Variants in SLC3A1 observed in about 807,000 individuals in gnomAD.
SLC3A1 encodes amino acid transporter heavy chain SLC3A1.
Under a neutral mutation model 60.3 loss-of-function variants are expected in SLC3A1, and 78 were observed. The observed-to-expected ratio is 1.29, with a 90% CI of 1.08 to 1.56. SLC3A1 has a LOEUF of 1.56. Among genes scored for constraint, SLC3A1 ranks in the 40% most tolerant of loss-of-function variants. The pLI, the probability that SLC3A1 is intolerant of heterozygous loss-of-function variation, is 0.00. For synonymous variants in SLC3A1, 392 were observed against 307.9 expected, an observed-to-expected ratio of 1.27 and a Z score of -2.86; for missense variants, 1,172 against 858.9, an observed-to-expected ratio of 1.36 and a Z score of -4.56.
chr2:44,315,986 C>G (rs1946932), intron 9 of SLC3A1, among the ~76,000 whole-genome samples: 117,930 of 152,030 alleles, frequency 0.78, 46,762 homozygotes, highest in African/African-American at 0.88. Flanking sequence ...GAGTCACAGA[C>G]ACCAGGAGAA....
chr2:44,286,319 T>C (rs897581713), intron 4 of SLC3A1, among the ~76,000 whole-genome samples, 162 bp downstream of exon 4: 2 of 152,244 alleles, frequency 1.3e-5, no homozygotes, highest in Non-Finnish European at 2.9e-5. Context: ...AATAATTGTG[T>C]AGGCAATAAT....
chr2:44,301,870 G>A (rs1165010840), intron 6 of SLC3A1, among the ~76,000 whole-genome samples: 1 of 151,964 alleles, frequency 6.6e-6, no homozygotes, highest in East Asian at 1.9e-4. Flanking sequence ...GACCAGCCTG[G>A]GCAACATGGC....
intron 1 of SLC3A1, among the ~76,000 whole-genome samples, chr2:44,280,066 C>G (rs1671457212): frequency 6.6e-6 from 1 of 152,100 alleles, no homozygotes; most frequent in Non-Finnish European, 1.5e-5. Flanking sequence ...CTGCTCTGTT[C>G]CTTGACACTT....
chr2:44,304,900 C>T (rs1301962950), intron 7 of SLC3A1, among the ~76,000 whole-genome samples: 4 of 144,206 alleles, frequency 2.8e-5, no homozygotes, highest in Admixed American at 7.4e-5. Context: ...TGGCTCACTG[C>T]AGCCTCGACC....
chr2:44,281,309 C>G, intron 2 of SLC3A1, 78 bp from the exon 3 acceptor site: 1 of 1,272,880 alleles, frequency 7.9e-7, no homozygotes, highest in Non-Finnish European at 1.1e-6. Context: ...CAGGCGTTAG[C>G]CATTACTGTG....
chr2:44,281,535 C>A lies in SLC3A1; in HGVS notation c.759C>A (p.Asn253Lys). Residue 253 changes from asparagine (N) to lysine (K), a missense_variant, in exon 3 of 10, where the codon AAC (asparagine) becomes AAA (lysine). Physicochemically the swap from Asn to Lys is moderately conservative, Grantham distance 94. Transcript: ENST00000260649. ...THENGKTIPP[N>K]NWLSVYGNSS... ...AAAATGGCAAAACCATTCCACCCAA[C>A]AACTGGGTAAGTATCAACCTGTCTG... 6.2e-7 allele frequency: 1 copy of A among 1,613,938 alleles called. No individual in the cohort carries two copies. Among genetic ancestry groups the A allele is most frequent in the Non-Finnish European group, 8.5e-7 (1 of 1,179,850 alleles).
chr2:44,312,789 A>G (rs1355194976), intron 8 of SLC3A1, 36 bp downstream of exon 8: 1 of 1,559,956 alleles, frequency 6.4e-7, no homozygotes, highest in East Asian at 2.3e-5. Flanking sequence ...CATCACAGCT[A>G]TAAAACCAAG....
chr2:44,295,117 C>T (rs1671821241), intron 4 of SLC3A1, among the ~76,000 whole-genome samples: 1 of 152,066 alleles, frequency 6.6e-6, no homozygotes, highest in African/African-American at 2.4e-5. Flanking sequence ...TTTAGGTAAA[C>T]GGGCCCCCAA....
chr2:44,279,625 T>A (rs1289293432), intron 1 of SLC3A1, among the ~76,000 whole-genome samples: 1 of 152,000 alleles, frequency 6.6e-6, no homozygotes, highest in Non-Finnish European at 1.5e-5. Flanking sequence ...GTAGCCACAT[T>A]AAAAAAAGGA....
At position 44,299,999 on chromosome 2, in the gene SLC3A1, G is replaced by T. The variant is rs535146186; in HGVS notation, c.920G>T (p.Gly307Val). The change falls in exon 5 of 10, where the codon GGT becomes GTT. Residue 307 changes from glycine (G) to valine (V), a missense_variant. Gly to Val is a moderately radical substitution (Grantham distance 109, BLOSUM62 -3). Transcript: ENST00000260649. ...KEILRFWLTK[G>V]VDGFSLDAVK... ...ATTTTACGGTTCTGGCTCACAAAGG[G>T]TGTTGATGGTTTTAGTTTGGATGCT... 2 of 1,614,042 alleles carry T rather than the reference G, an allele frequency of 1.2e-6. No homozygotes were observed. The highest frequency in any genetic ancestry group is 1.1e-5 in the South Asian group (1 of 91,082).
At chr2:44,312,505 T>C (rs1672323137) in intron 7 of SLC3A1, 81 bp from the exon 8 acceptor site, 2 of 1,482,218 alleles carry the variant, frequency 1.3e-6, no homozygotes, top group East Asian at 2.3e-5. Flanking sequence ...TTTTGCTACG[T>C]TGTGAACTTT....
In SLC3A1 at chr2:44,321,393, C is replaced by A. The variant is rs372256353; in HGVS notation, c.*754C>A. 5 of 1,612,624 alleles carry A rather than the reference C, an allele frequency of 3.1e-6. No homozygotes were observed. The African/African-American group carries it at 6.7e-5, about 22-fold the overall frequency. ...GTATTTCTTAAGATCCTCGAAAACA[C>A]TGGTGCTGTCAAGTCCAAGTTCCTC... On this transcript the variant is annotated 3_prime_UTR_variant, in exon 10 of 10. Transcript: ENST00000260649.
At chr2:44,291,408 G>C (rs923962316) in intron 4 of SLC3A1, among the ~76,000 whole-genome samples, 1 of 152,174 alleles carries the variant, frequency 6.6e-6, no homozygotes, top group Non-Finnish European at 1.5e-5. Context: ...TGCTCTTCCA[G>C]ATACCCAAGC....
intron 8 of SLC3A1, 62 bp downstream of exon 8, chr2:44,312,815 T>A: frequency 6.9e-7 from 1 of 1,446,948 alleles, no homozygotes; most frequent in Non-Finnish European, 9.5e-7. Flanking sequence ...ATTTTTTATT[T>A]TTTGCCAAAT....
chr2:44,291,404 T>C (rs1191024473), intron 4 of SLC3A1, among the ~76,000 whole-genome samples: 1 of 152,194 alleles, frequency 6.6e-6, no homozygotes, highest in East Asian at 1.9e-4. Context: ...GCTGTGCTCT[T>C]CCAGATACCC....
At position 44,281,385 on chromosome 2, in the gene SLC3A1, A is replaced by G; in HGVS notation, c.611-2A>G. 6.2e-7 allele frequency: 1 copy of G among 1,610,094 alleles called. No homozygotes were observed. Among genetic ancestry groups the G allele is most frequent in the Non-Finnish European group, 8.5e-7 (1 of 1,176,378 alleles). On this transcript the variant is annotated splice_acceptor_variant, in intron 2 of 9. Coordinates refer to ENST00000260649, the MANE Select transcript of SLC3A1 (RefSeq NM_000341.4). LOFTEE classifies it high-confidence loss of function. ...GCATTTGAAATGTCTTTTACTCATT[A>G]GGTTTAAAATTAATCATCGATTTCA...
intron 8 of SLC3A1, among the ~76,000 whole-genome samples, chr2:44,313,084 G>C (rs1459622697): frequency 1.3e-5 from 2 of 152,056 alleles, no homozygotes; most frequent in African/African-American, 2.4e-5. Flanking sequence ...AGAACCGGTG[G>C]TTTAGTTTAG....
intron 7 of SLC3A1, among the ~76,000 whole-genome samples, chr2:44,311,914 T>C (rs986395736): frequency 2.6e-5 from 4 of 152,084 alleles, no homozygotes; most frequent in Middle Eastern, 3.2e-3. Context: ...GAGGGAAATA[T>C]AGGTGTGAAA....
chr2:44,281,521 A>G lies in SLC3A1; in HGVS notation c.745A>G (p.Thr249Ala). 6.2e-7 allele frequency: 1 copy of G among 1,614,124 alleles called. No individual in the cohort carries two copies. The highest frequency in any genetic ancestry group is 8.5e-7 in the Non-Finnish European group (1 of 1,179,990). Residue 249 changes from threonine to alanine, a missense_variant, in exon 3 of 10, where the codon ACC becomes GCC. Thr to Ala is a moderately conservative substitution (Grantham distance 58, BLOSUM62 0). Transcript: ENST00000260649. Reference sequence around the variant, plus strand: ...TGACTGTACCCATGAAAATGGCAAAACCATTCCACCCAACAACTGGGTAAG... The same window carrying G: ...TGACTGTACCCATGAAAATGGCAAAGCCATTCCACCCAACAACTGGGTAAG... ...WHDCTHENGK[T>A]IPPNNWLSVY...
Sources: gnomAD v4.1 joint callset for allele counts (sites outside exome capture counted in the v4.1 genomes callset) on GRCh38, gnomAD v4.1.1 for gene constraint, MANE v1.5 for transcripts, NCBI Gene and HGNC (gene_info 2026-07-23, HGNC 2026-07-21) for gene names.